The following EXTL3 variants were observed in gnomAD, a reference collection of about 807,000 sequenced individuals.
EXTL3 encodes exostosin-like 3.
In EXTL3, 27 loss-of-function variants were observed where a neutral mutation model predicts 69.3. The observed-to-expected ratio is 0.39, with a 90% confidence interval of 0.29 to 0.54. The LOEUF is 0.54. EXTL3 is among the 20% of genes least tolerant of loss of function. EXTL3 has a pLI of 0.69. For missense variants in EXTL3, 1,003 were observed against 1,231.8 expected, an observed-to-expected ratio of 0.81 and a Z score of 2.78; for synonymous variants, 511 against 499.4, an observed-to-expected ratio of 1.02 and a Z score of -0.31.
intron 3 of EXTL3, among the ~76,000 whole-genome samples, chr8:28,721,618 T>G (rs1036457956): frequency 4.7e-4 from 71 of 152,192 alleles, no homozygotes; most frequent in Admixed American, 1.1e-3. Context: ...TTTTTGGTAT[T>G]TTTGTGCAGA....
intron 1 of EXTL3, among the ~76,000 whole-genome samples, chr8:28,647,300 T>TAACAAC (rs2130596135): frequency 6.6e-6 from 1 of 152,124 alleles, no homozygotes; most frequent in Admixed American, 6.6e-5. Flanking sequence ...GACGGGGGTT[T>TAACAAC]CACCATGTTG....
At chr8:28,673,187 C>G (rs930983390) in intron 1 of EXTL3, among the ~76,000 whole-genome samples, 1 of 152,202 alleles carries the variant, frequency 6.6e-6, no homozygotes, top group Non-Finnish European at 1.5e-5. Flanking sequence ...AGATGACACT[C>G]TTCCTTTTAG....
At chr8:28,747,728 CTTTTTTTTTT>C (rs71549697) in intron 6 of EXTL3, among the ~76,000 whole-genome samples, 1,983 of 124,740 alleles carry the variant, frequency 0.016, 38 homozygotes, top group Non-Finnish European at 0.021. Flanking sequence ...TTTTCTTTTT[CTTTTTTTTTT>C]TTTTTTTTGA....
intron 3 of EXTL3, among the ~76,000 whole-genome samples, chr8:28,729,897 T>C (rs1325299238): frequency 2.0e-5 from 3 of 151,974 alleles, no homozygotes; most frequent in Non-Finnish European, 4.4e-5. Context: ...AACTTGCCAG[T>C]TGTATGACAT....
At chr8:28,666,547 G>A (rs896692983) in intron 1 of EXTL3, among the ~76,000 whole-genome samples, 17 of 151,760 alleles carry the variant, frequency 1.1e-4, no homozygotes, top group East Asian at 9.7e-4. Flanking sequence ...GACTATAGGC[G>A]TGCTTACGCC....
intron 1 of EXTL3, among the ~76,000 whole-genome samples, chr8:28,652,114 C>G (rs1182675906): frequency 6.6e-6 from 1 of 151,936 alleles, no homozygotes; most frequent in African/African-American, 2.4e-5. Flanking sequence ...TCAGTTGTTT[C>G]TAGCTTTTGG....
intron 1 of EXTL3, among the ~76,000 whole-genome samples, chr8:28,654,587 G>A (rs1806975931): frequency 6.6e-6 from 1 of 152,032 alleles, no homozygotes; most frequent in Non-Finnish European, 1.5e-5. Flanking sequence ...GCCCAGGCTG[G>A]GGAGTCTAGC....
At chr8:28,689,952 A>G (rs931897052) in intron 1 of EXTL3, among the ~76,000 whole-genome samples, 176 of 152,308 alleles carry the variant, frequency 1.2e-3, no homozygotes, top group African/African-American at 4.2e-3. Context: ...GCCAGGGTAA[A>G]GGAGATCACA....
intron 1 of EXTL3, among the ~76,000 whole-genome samples, 191 bp downstream of exon 1, chr8:28,701,850 T>TGGCTCGGG (rs1166787077): frequency 1.3e-5 from 2 of 151,866 alleles, no homozygotes; most frequent in East Asian, 2.0e-4. Flanking sequence ...GCCTGCCCGG[T>TGGCTCGGG]GGCTCGGGGG....
intron 1 of EXTL3, among the ~76,000 whole-genome samples, chr8:28,640,023 C>G (rs959852270): frequency 6.6e-6 from 1 of 152,156 alleles, no homozygotes; most frequent in Non-Finnish European, 1.5e-5. Context: ...TCACTTGAAC[C>G]TGGGAGGCAG....
At chr8:28,744,992 GT>G (rs1428003391) in intron 6 of EXTL3, among the ~76,000 whole-genome samples, 1 of 151,836 alleles carries the variant, frequency 6.6e-6, no homozygotes, top group Non-Finnish European at 1.5e-5. Context: ...TAATAATTGT[GT>G]TCTAGACTAA....
rs1271822827 is a variant in EXTL3 at position 28,754,569 on chromosome 8, G to A, written c.*3703G>A. The stretch of plus-strand genomic sequence containing the variant: ...AGCCATCCATCTCCATGTTACGATT[G>A]TCCTGGGACCAGAGAGACTTGAGAA... On this transcript the variant is annotated 3_prime_UTR_variant, in exon 7 of 7. Transcript: ENST00000220562. 2 of 152,288 alleles carry A rather than the reference G, an allele frequency of 1.3e-5. No individual in the cohort carries two copies. Among genetic ancestry groups the A allele is most frequent in the African/African-American group, 2.4e-5 (1 of 41,440 alleles). The allele number at this position is 152,288 out of a possible 1,614,324, so 9.4% of individuals were successfully genotyped here.
At chr8:28,668,865 C>CTCTTTTTTTTTTT (rs1193812924) in intron 1 of EXTL3, among the ~76,000 whole-genome samples, 2 of 94,476 alleles carry the variant, frequency 2.1e-5, no homozygotes, top group African/African-American at 9.2e-5. Context: ...GATAGAATCT[C>CTCTTTTTTTTTTT]TTTTTTTTTT....
At chr8:28,756,046 G>A (rs560951117), downstream of EXTL3, among the ~76,000 whole-genome samples, 2 of 152,238 alleles carry the variant, frequency 1.3e-5, no homozygotes, top group East Asian at 3.9e-4. Flanking sequence ...AAATACATGG[G>A]CATACAACTG....
intron 1 of EXTL3, among the ~76,000 whole-genome samples, chr8:28,702,608 T>G (rs1800835107): frequency 6.8e-6 from 1 of 148,136 alleles, no homozygotes; most frequent in African/African-American, 2.5e-5. Flanking sequence ...ACCTGGATTT[T>G]TCTTCCCTTT....
At chr8:28,640,977 A>G (rs889972825) in intron 1 of EXTL3, among the ~76,000 whole-genome samples, 1 of 152,116 alleles carries the variant, frequency 6.6e-6, no homozygotes, top group African/African-American at 2.4e-5. Context: ...TATTGCTTAT[A>G]GCCTCACGTT....
In EXTL3 at chr8:28,716,030, G is replaced by C. The variant is rs767677381; in HGVS notation, c.-30G>C. The C allele has an allele frequency of 6.4e-7, 1 of 1,569,588 alleles. No individual in the cohort carries two copies. The highest frequency in any genetic ancestry group is 1.3e-5 in the African/African-American group (1 of 74,392). On this transcript the variant is annotated 5_prime_UTR_variant, in exon 3 of 7. Transcript: ENST00000220562. The surrounding 1 kb of genome is among the most constrained non-coding windows in gnomAD (Gnocchi z 7.1). ...CCATGGTTATGGCGAGTGACCCGAC[G>C]TGATCTGGGGGGCAGGCTGCAGAGG...
In EXTL3 at chr8:28,689,592, A is replaced by T. The variant is rs36039138; in HGVS notation, c.-52-23865A>T. 3.5e-3 allele frequency among the ~76,000 whole-genome samples: 529 copies of T among 152,324 alleles called. 1 individual carries two copies. Among genetic ancestry groups the T allele is most frequent in the Non-Finnish European group, 6.9e-3 (467 of 68,030 alleles). ...AGCATCTACTAAAATAATAGTTTTCACCTCAATACTTATAGTTTTAAAGGT... is the reference window on the plus strand; with the variant it reads ...AGCATCTACTAAAATAATAGTTTTCTCCTCAATACTTATAGTTTTAAAGGT... On this transcript the variant is annotated intron_variant, in intron 1 of 6. Transcript: ENST00000523149.
At chr8:28,649,313 A>C (rs139337261) in intron 1 of EXTL3, among the ~76,000 whole-genome samples, 1 of 152,274 alleles carries the variant, frequency 6.6e-6, no homozygotes, top group East Asian at 1.9e-4. Flanking sequence ...GATCTGGTCA[A>C]ATTTCTCTCC....
Sources: gnomAD v4.1 joint callset for allele counts (sites outside exome capture counted in the v4.1 genomes callset) on GRCh38, gnomAD v4.1.1 for gene constraint, Gnocchi (gnomAD v3.1) non-coding constraint, MANE v1.5 for transcripts, NCBI Gene and HGNC (gene_info 2026-07-23, HGNC 2026-07-21) for gene names.